ONECUT3: variants seen among roughly 807,000 people sequenced by gnomAD.
ONECUT3 encodes the protein one cut homeobox 3.
A neutral mutation model predicts 16.8 loss-of-function variants in ONECUT3; 11 were observed. The observed-to-expected ratio is 0.66, with a 90% CI of 0.41 to 1.09. The LOEUF is 1.09. Among genes scored for constraint, ONECUT3 ranks in the 50% least tolerant of loss-of-function variants. The pLI, the probability that ONECUT3 is intolerant of heterozygous loss-of-function variation, is 0.00. For missense variants in ONECUT3, 637 were observed against 629.9 expected, an observed-to-expected ratio of 1.01 and a Z score of -0.12; for synonymous variants, 344 against 310.7, an observed-to-expected ratio of 1.11 and a Z score of -1.13.
intron 1 of ONECUT3, 134 bp from the exon 2 acceptor site, chr19:1,775,019 A>G (rs1013796060): frequency 8.5e-6 from 5 of 590,156 alleles, no homozygotes; most frequent in Non-Finnish European, 1.5e-5. Context: ...CCTTATGTGC[A>G]TTCGCCTTTC....
Position 1,766,811 on chromosome 19 carries a change from C to A in ONECUT3, c.1193-8342C>A, listed in dbSNP as rs527814840. 4.5e-3 allele frequency among the ~76,000 whole-genome samples: 660 copies of A among 147,102 alleles called. 6 individuals carry two copies. Among genetic ancestry groups the A allele is most frequent in the African/African-American group, 0.017 (630 of 36,630 alleles). On this transcript the variant is annotated intron_variant, in intron 1 of 1. Coordinates refer to ENST00000382349, the MANE Select transcript of ONECUT3 (RefSeq NM_001080488.2). The surrounding 1 kb of genome is among the most constrained non-coding windows in gnomAD (Gnocchi z 4.0). ...GGGTCTTGCAGGCTGGGCTGAGACC[C>A]CCCCCCCATGCTCCACCACCCTCGT...
In ONECUT3 at chr19:1,772,250, C is replaced by T. The variant is rs533319761; in HGVS notation, c.1193-2903C>T. Among the ~76,000 whole-genome samples, 604 of 150,992 alleles carry T rather than the reference C, an allele frequency of 4.0e-3. 3 individuals carry two copies. Among genetic ancestry groups the T allele is most frequent in the Middle Eastern group, 0.011 (3 of 282 alleles). ...CTGGTCTCGAACTCCTGACCTCAAG[C>T]GATCCACCTACCTTGGCCTCCCAAA... On this transcript the variant is annotated intron_variant, in intron 1 of 1. Coordinates refer to ENST00000382349, the MANE Select transcript of ONECUT3 (RefSeq NM_001080488.2).
In ONECUT3 at chr19:1,758,582, G is replaced by C. The variant is rs556351532; in HGVS notation, c.1192+3728G>C. On this transcript the variant is annotated intron_variant, in intron 1 of 1. Transcript: ENST00000382349. This position sits in a 1 kb window ranked among gnomAD's most constrained non-coding sequence, Gnocchi z 5.9. ...GTGTGGTGGGCCGAATTCTGGGTCT[G>C]ACACTGTCAGATTCTGGACCCCGTC... is the stretch of plus-strand genomic sequence containing the variant. 3.3e-5 allele frequency among the ~76,000 whole-genome samples: 5 copies of C among 152,304 alleles called. No individual in the cohort carries two copies. In the East Asian group the frequency reaches 9.7e-4, roughly 29 times the overall value.
chr19:1,754,508 G>C lies in ONECUT3; in HGVS notation c.846G>C (p.Gly282=), dbSNP rs1185341020. 4.1e-6 allele frequency: 4 copies of C among 980,200 alleles called. No homozygotes were observed. In the African/African-American group the frequency reaches 7.1e-5, roughly 17 times the overall value. 60.7% of individuals were successfully genotyped at this position (980,200 alleles called of 1,614,324 possible). Residue 282 remains glycine, a synonymous_variant, in exon 1 of 2, where the codon GGG becomes GGC. Transcript: ENST00000382349. The surrounding 1 kb of genome is among the most constrained non-coding windows in gnomAD (Gnocchi z 7.4). ...SGGAGSGSAA[G]LLAPLGGLAA... ...GAGCGGGCAGCGGGAGCGCCGCGGGGCTGCTGGCGCCGCTGGGCGGGCTGG... is the reference window on the plus strand; with the variant it reads ...GAGCGGGCAGCGGGAGCGCCGCGGGCCTGCTGGCGCCGCTGGGCGGGCTGG...
rs926737318 is a variant in ONECUT3, at chr19:1,764,841, TG to T, written c.1192+9993del. On this transcript the variant is annotated intron_variant, in intron 1 of 1. Coordinates refer to ENST00000382349, the MANE Select transcript of ONECUT3 (RefSeq NM_001080488.2). The surrounding 1 kb of genome is among the most constrained non-coding windows in gnomAD (Gnocchi z 5.0). ...GGGGGACAAGACACCAGCATGGGGGTGGGGGGCATCAGTACAACCCACATCT... is the reference window on the plus strand; with the variant it reads ...GGGGGACAAGACACCAGCATGGGGGTGGGGGCATCAGTACAACCCACATCT... Among the ~76,000 whole-genome samples, 17 of 70,252 alleles carry T rather than the reference TG, an allele frequency of 2.4e-4. No individual in the cohort carries two copies. Among genetic ancestry groups the T allele is most frequent in the Non-Finnish European group, 4.1e-4 (13 of 31,780 alleles). The allele number at this position is 70,252 out of a possible 152,430, so 46.1% of individuals were successfully genotyped here.
chr19:1,760,827 T>TG (rs2067942817), intron 1 of ONECUT3, among the ~76,000 whole-genome samples: 1 of 152,118 alleles, frequency 6.6e-6, no homozygotes, highest in South Asian at 2.1e-4. Flanking sequence ...CAGAGGAGTC[T>TG]GGGGGAGTCT....
Position 1,764,051 on chromosome 19 carries a change from C to G in ONECUT3, c.1192+9197C>G, listed in dbSNP as rs1401126748. 6.6e-6 allele frequency among the ~76,000 whole-genome samples: 1 copy of G among 152,174 alleles called. No individual in the cohort carries two copies. The highest frequency in any genetic ancestry group is 1.5e-5 in the Non-Finnish European group (1 of 68,038). ...CCTCCCCAGCCCCTTTCTGGGTGGC[C>G]GCTTCAGCCGCTTCTTATCACTGAT... On this transcript the variant is annotated intron_variant, in intron 1 of 1. Coordinates refer to ENST00000382349, the MANE Select transcript of ONECUT3 (RefSeq NM_001080488.2). The surrounding 1 kb of genome is among the most constrained non-coding windows in gnomAD (Gnocchi z 5.0).
At position 1,759,386 on chromosome 19, in the gene ONECUT3, CT is replaced by C. The variant is rs1164221038; in HGVS notation, c.1192+4533del. Among the ~76,000 whole-genome samples the C allele has an allele frequency of 3.3e-5, 5 of 151,612 alleles. No homozygotes were observed. The highest frequency in any genetic ancestry group is 7.4e-5 in the Non-Finnish European group (5 of 67,930). On this transcript the variant is annotated intron_variant, in intron 1 of 1. Transcript: ENST00000382349. This position sits in a 1 kb window ranked among gnomAD's most constrained non-coding sequence, Gnocchi z 4.1. ...CTGAGGTTGAAATGGGCGAGGCAATCTGGGAGTCCCCCTTAAAGGGACAGGT... is the reference window on the plus strand; with the variant it reads ...CTGAGGTTGAAATGGGCGAGGCAATCGGGAGTCCCCCTTAAAGGGACAGGT...
At position 1,776,397 on chromosome 19, in the gene ONECUT3, CCCGTGGAGACGCTTCCTGCGTGGAA is replaced by C. The variant is rs1264043491; in HGVS notation, c.*955_*979del. On this transcript the variant is annotated 3_prime_UTR_variant, in exon 2 of 2. Transcript: ENST00000382349. This position sits in a 1 kb window ranked among gnomAD's most constrained non-coding sequence, Gnocchi z 4.9. ...GCCCGGAGGAGCCCCTCTGCACGGG[CCCGTGGAGACGCTTCCTGCGTGGAA>C]CCTTCTGGAATCCACCGCCCCCCTT... 1.3e-5 allele frequency: 2 copies of C among 152,226 alleles called. No homozygotes were observed. The highest frequency in any genetic ancestry group is 2.9e-5 in the Non-Finnish European group (2 of 68,078). The allele number at this position is 152,226 out of a possible 1,614,324, so 9.4% of individuals were successfully genotyped here.
At chr19:1,772,686 C>CTTTTTTTTTTTTTTTT (rs201848533) in intron 1 of ONECUT3, among the ~76,000 whole-genome samples, 1 of 64,010 alleles carries the variant, frequency 1.6e-5, no homozygotes, top group Non-Finnish European at 2.7e-5. Flanking sequence ...CTGCTTTACT[C>CTTTTTTTTTTTTTTTT]TTTTTTTTTT....
chr19:1,763,842 ACT>A (rs1377132419), intron 1 of ONECUT3, among the ~76,000 whole-genome samples: 1 of 146,856 alleles, frequency 6.8e-6, no homozygotes, highest in Non-Finnish European at 1.5e-5. Flanking sequence ...GCCGCCTAGT[ACT>A]CTCTGACTCG....
In ONECUT3 at chr19:1,779,824, G is replaced by C. The variant is rs1346163314; in HGVS notation, c.*4379G>C. 2 of 152,076 alleles carry C rather than the reference G, an allele frequency of 1.3e-5. No homozygotes were observed. Among genetic ancestry groups the C allele is most frequent in the East Asian group, 1.9e-4 (1 of 5,172 alleles). 9.4% of individuals were successfully genotyped at this position (152,076 alleles called of 1,614,324 possible). ...GGACAGGTGGACGGGGCCCCAGGTA[G>C]AGGGGGCGGGAACAGAGCCTCAGTA... On this transcript the variant is annotated 3_prime_UTR_variant, in exon 2 of 2. Transcript: ENST00000382349.
chr19:1,758,325 G>GAGAGAC lies in ONECUT3; in HGVS notation c.1192+3476_1192+3477insCAGAGA. On this transcript the variant is annotated intron_variant, in intron 1 of 1. Transcript: ENST00000382349. This position sits in a 1 kb window ranked among gnomAD's most constrained non-coding sequence, Gnocchi z 5.9. The stretch of plus-strand genomic sequence containing the variant: ...CAAAAAAAAAAAAAAAAGAGAGAGA[G>GAGAGAC]AGAGAGAGAGACAGAGATGGGAGAG... Among the ~76,000 whole-genome samples the GAGAGAC allele has an allele frequency of 6.7e-6, 1 of 149,004 alleles. No individual in the cohort carries two copies. Among genetic ancestry groups the GAGAGAC allele is most frequent in the Non-Finnish European group, 1.5e-5 (1 of 67,458 alleles).
chr19:1,770,489 C>A (rs895803320), intron 1 of ONECUT3, among the ~76,000 whole-genome samples: 1 of 152,158 alleles, frequency 6.6e-6, no homozygotes, highest in Non-Finnish European at 1.5e-5. Flanking sequence ...ACATATAAAG[C>A]TCTTGACACA....
chr19:1,764,089 A>T lies in ONECUT3; in HGVS notation c.1192+9235A>T, dbSNP rs1441405952. On this transcript the variant is annotated intron_variant, in intron 1 of 1. Coordinates refer to ENST00000382349, the MANE Select transcript of ONECUT3 (RefSeq NM_001080488.2). This position sits in a 1 kb window ranked among gnomAD's most constrained non-coding sequence, Gnocchi z 5.0. ...TCTTATCACTGATTCCTTTCCTGTC[A>T]TCTTTTTCAAATCCATTTCCCACTG... Among the ~76,000 whole-genome samples, 1 of 152,110 alleles carries T rather than the reference A, an allele frequency of 6.6e-6. No individual in the cohort carries two copies. Among genetic ancestry groups the T allele is most frequent in the African/African-American group, 2.4e-5 (1 of 41,430 alleles).
In ONECUT3 at chr19:1,754,105, C is replaced by A; in HGVS notation, c.443C>A (p.Ala148Glu). ...CATCCCCACGCGCACCCGCACCCGG[C>A]GGCCGCGCCGCCCCCGCCACCCCCG... Reference protein sequence around the residue: ...GGHPHAHPHPAAAPPPPPPPQ... With the variant: ...GGHPHAHPHPEAAPPPPPPPQ... The change falls in exon 1 of 2, where the codon GCG (alanine) becomes GAG (glutamate). Residue 148 changes from alanine to glutamate, a missense_variant. Ala to Glu is a moderately radical substitution (Grantham distance 107). Around this residue, in one of 3 missense-constraint regions of ONECUT3, gnomAD observed 419 missense variants for 377.9 expected, o/e 1.11. Transcript: ENST00000382349. The surrounding 1 kb of genome is among the most constrained non-coding windows in gnomAD (Gnocchi z 7.4). 1 of 1,017,904 alleles carries A rather than the reference C, an allele frequency of 9.8e-7. No homozygotes were observed. Among genetic ancestry groups the A allele is most frequent in the East Asian group, 9.8e-5 (1 of 10,232 alleles). 63.1% of individuals were successfully genotyped at this position (1,017,904 alleles called of 1,614,324 possible).
chr19:1,763,366 C>CAAAAAAAAGAAAAAAAAAAAA (rs2067956990), intron 1 of ONECUT3, among the ~76,000 whole-genome samples: 1 of 36,794 alleles, frequency 2.7e-5, no homozygotes, highest in African/African-American at 6.6e-5. Flanking sequence ...GACTCCATCT[C>CAAAAAAAAGAAAAAAAAAAAA]AAAAAAAAAA....
In ONECUT3 at chr19:1,775,141, G is replaced by GCCC; in HGVS notation, c.1193-11_1193-10insCCC. 2.8e-6 allele frequency: 2 copies of GCCC among 706,510 alleles called. No homozygotes were observed. Among genetic ancestry groups the GCCC allele is most frequent in the South Asian group, 2.2e-5 (1 of 45,766 alleles). 43.8% of individuals were successfully genotyped at this position (706,510 alleles called of 1,614,324 possible). A position where few individuals can be genotyped will look rare whatever the true frequency, so the allele number is the denominator to read the frequency against. ...TGTCCCGCTCGCCCGCCCGCCCGCC[G>GCCC]CTCGCCCGCAGCCTGCAAGCGCAAG... On this transcript the variant is annotated splice_polypyrimidine_tract_variant and intron_variant, in intron 1 of 1. Transcript: ENST00000382349.
chr19:1,764,898 C>T lies in ONECUT3; in HGVS notation c.1192+10044C>T, dbSNP rs929452507. 2.0e-5 allele frequency among the ~76,000 whole-genome samples: 3 copies of T among 151,994 alleles called. No homozygotes were observed. Among genetic ancestry groups the T allele is most frequent in the East Asian group, 1.9e-4 (1 of 5,184 alleles). On this transcript the variant is annotated intron_variant, in intron 1 of 1. Coordinates refer to ENST00000382349, the MANE Select transcript of ONECUT3 (RefSeq NM_001080488.2). The surrounding 1 kb of genome is among the most constrained non-coding windows in gnomAD (Gnocchi z 5.0). ...AGGGCAGCTGGTGGCGGGGACAGGA[C>T]GCGTCGCCAAGGAAACCGGTCATCA... is the stretch of plus-strand genomic sequence containing the variant.
Sources: allele counts gnomAD v4.1 joint callset (sites outside exome capture counted in the v4.1 genomes callset), GRCh38; gene constraint gnomAD v4.1.1; regional missense constraint gnomAD v4.1.1; non-coding constraint Gnocchi (gnomAD v3.1); transcripts MANE v1.5; gene names NCBI Gene and HGNC (gene_info 2026-07-23, HGNC 2026-07-21).